Variants in IBTK observed in about 807,000 individuals in gnomAD.
The protein encoded by IBTK is BTK-binding protein.
IBTK carries 83 observed loss-of-function variants against 154.9 expected under a neutral mutation model. The ratio of observed to expected loss-of-function variants is 0.54; its 90% CI spans 0.45 to 0.64. IBTK has a LOEUF of 0.64. IBTK is among the 30% of genes least tolerant of loss of function. The pLI is 0.00. For synonymous variants in IBTK, 515 were observed against 536.1 expected (o/e 0.96, Z 0.54); for missense variants, 1,332 against 1,584.6 (o/e 0.84, Z 2.71).
At chr6:82,243,728 T>A (rs1771041597) in intron 1 of IBTK, among the ~76,000 whole-genome samples, 1 of 152,220 alleles carries the variant, frequency 6.6e-6, no homozygotes, top group Non-Finnish European at 1.5e-5. Flanking sequence ...CCAGTTAATT[T>A]CATTCTTTTA....
intron 21 of IBTK, 40 bp downstream of exon 21, chr6:82,200,101 G>A: frequency 8.1e-7 from 1 of 1,227,088 alleles, no homozygotes; most frequent in Non-Finnish European, 1.2e-6. Context: ...TAGAGACATA[G>A]AAGATTAGAA....
At chr6:82,205,824 C>T (rs796542568) in intron 16 of IBTK, 11 of 151,740 alleles carry the variant, frequency 7.2e-5, no homozygotes, top group African/African-American at 2.7e-4. Flanking sequence ...GGCTTTTTGC[C>T]CCTGAGCCAC....
Position 82,223,576 on chromosome 6 carries a change from G to A in IBTK, c.988C>T (p.Arg330Cys), listed in dbSNP as rs780841874. ...TTATGGTGAAGGGCAGAGACCTGAC[G>A]AGGAGCAGTTACACACTTTTCTCCA... ...PNGEKCVTAPRQVSALHHKDI... is the reference protein window; with the variant it reads ...PNGEKCVTAPCQVSALHHKDI... The change falls in exon 8 of 29, where the codon CGT becomes TGT. Residue 330 changes from arginine to cysteine, a missense_variant. This residue lies in a region of IBTK where 1,134 missense variants were observed against 1,274.7 expected (regional missense o/e 0.89). Transcript: ENST00000306270. 3.4e-5 allele frequency: 55 copies of A among 1,613,906 alleles called. No individual in the cohort carries two copies. The South Asian group carries it at 5.3e-4, about 15-fold the overall frequency.
intron 8 of IBTK, among the ~76,000 whole-genome samples, chr6:82,223,115 G>T (rs1038912497): frequency 1.3e-4 from 19 of 151,942 alleles, no homozygotes; most frequent in Middle Eastern, 3.2e-3. Flanking sequence ...AACCAATGAT[G>T]AGAGTGTCAC....
chr6:82,171,615 G>A, intron 28 of IBTK, 59 bp from the exon 29 acceptor site: 3 of 1,442,508 alleles, frequency 2.1e-6, no homozygotes, highest in Non-Finnish European at 2.8e-6. Context: ...TAAGCAGGAT[G>A]TATTTGCCTT....
At chr6:82,221,483 T>C (rs544546793) in intron 8 of IBTK, among the ~76,000 whole-genome samples, 2 of 152,262 alleles carry the variant, frequency 1.3e-5, no homozygotes, top group Admixed American at 1.3e-4. Context: ...ACCATGAAAA[T>C]CATCTGTACT....
intron 1 of IBTK, among the ~76,000 whole-genome samples, chr6:82,242,632 G>T (rs1313668046): frequency 6.6e-6 from 1 of 151,974 alleles, no homozygotes; most frequent in African/African-American, 2.4e-5. Context: ...GCAACAAAAA[G>T]AACAAGATAA....
Position 82,237,453 on chromosome 6 carries a change from A to G in IBTK, c.321+2713T>C, listed in dbSNP as rs188742691. On this transcript the variant is annotated intron_variant, in intron 2 of 28. Transcript: ENST00000306270. Reference sequence around the variant, plus strand: ...TTCATGGATAGTCCCTGGGGGGGAAAAAAAAAGGAAAGTGCTATTATTACT... The same window carrying G: ...TTCATGGATAGTCCCTGGGGGGGAAGAAAAAAGGAAAGTGCTATTATTACT... 2.6e-5 allele frequency among the ~76,000 whole-genome samples: 4 copies of G among 152,254 alleles called. No homozygotes were observed. The East Asian group carries it at 5.8e-4, about 22-fold the overall frequency.
chr6:82,223,720 A>C, intron 7 of IBTK, 100 bp from the exon 8 acceptor site: 2 of 998,136 alleles, frequency 2.0e-6, no homozygotes, highest in Non-Finnish European at 2.9e-6. Context: ...GCACTTGGGG[A>C]GGCCAAGGTG....
chr6:82,223,683 GCA>G (rs1245385649), intron 7 of IBTK, 63 bp from the exon 8 acceptor site: 11 of 1,391,984 alleles, frequency 7.9e-6, no homozygotes, highest in East Asian at 4.7e-5. Context: ...ATTTAGCCAA[GCA>G]CAGTGTCTCA....
chr6:82,229,352 G>A (rs1770416304), intron 4 of IBTK, among the ~76,000 whole-genome samples: 1 of 151,944 alleles, frequency 6.6e-6, no homozygotes, highest in Non-Finnish European at 1.5e-5. Flanking sequence ...ATATTTCTTT[G>A]GATCAGACAT....
intron 23 of IBTK, among the ~76,000 whole-genome samples, chr6:82,194,230 T>C (rs1022768081): frequency 1.3e-5 from 2 of 152,118 alleles, no homozygotes; most frequent in African/African-American, 2.4e-5. Flanking sequence ...TTTCTCTCTA[T>C]ATACGTAAAA....
At chr6:82,226,184 G>A (rs563928362) in intron 5 of IBTK, among the ~76,000 whole-genome samples, 1 of 152,172 alleles carries the variant, frequency 6.6e-6, no homozygotes, top group African/African-American at 2.4e-5. Flanking sequence ...TATTATTAGT[G>A]TCATCATCAT....
At position 82,170,110 on chromosome 6, in the gene IBTK, C is replaced by T. The variant is rs1198877544; in HGVS notation, c.*1315G>A. 3 of 152,108 alleles carry T rather than the reference C, an allele frequency of 2.0e-5. No homozygotes were observed. The highest frequency in any genetic ancestry group is 1.9e-4 in the East Asian group (1 of 5,202). 9.4% of individuals were successfully genotyped at this position (152,108 alleles called of 1,614,324 possible). ...ATTTAGAAAACTGCCTTTTTAAATC[C>T]GTCTTAGAATAAATACAGCATCAAC... On this transcript the variant is annotated 3_prime_UTR_variant, in exon 29 of 29. Transcript: ENST00000306270.
rs2127816495 is a variant in IBTK at position 82,216,247 on chromosome 6, ATC to A, written c.1428_1429del (p.Glu476AspfsTer17). On this transcript the variant is annotated frameshift_variant and splice_region_variant, in exon 11 of 29. Coordinates refer to ENST00000306270, the MANE Select transcript of IBTK (RefSeq NM_015525.4). LOFTEE classifies it high-confidence loss of function. Reference sequence around the variant, plus strand: ...TGAGGAATTGTGAAGGTTTGATAAAATCTCTGTTAAAAAAAAATAAACTACCA... The same window carrying A: ...TGAGGAATTGTGAAGGTTTGATAAAATCTGTTAAAAAAAAATAAACTACCA... 1.3e-6 allele frequency: 2 copies of A among 1,567,604 alleles called. No individual in the cohort carries two copies. Among genetic ancestry groups the A allele is most frequent in the African/African-American group, 1.4e-5 (1 of 72,506 alleles).
chr6:82,210,577 C>T, intron 16 of IBTK: 1 of 182,316 alleles, frequency 5.5e-6, no homozygotes, highest in East Asian at 1.4e-4. Flanking sequence ...ATAATCCTAG[C>T]ACTTTGGAAG....
Position 82,173,415 on chromosome 6 carries a change from CCTGG to C in IBTK, c.3745_3748del (p.Pro1249AspfsTer13). ...ATCTGAAATATGGTTGCCTTCTGGT[CCTGG>C]GGTACCATGGGTAGAGCATCTGCAA... On this transcript the variant is annotated frameshift_variant, in exon 27 of 29. Coordinates refer to ENST00000306270, the MANE Select transcript of IBTK (RefSeq NM_015525.4). LOFTEE classifies it high-confidence loss of function. 5 of 1,613,462 alleles carry C rather than the reference CCTGG, an allele frequency of 3.1e-6. No individual in the cohort carries two copies. The highest frequency in any genetic ancestry group is 4.2e-6 in the Non-Finnish European group (5 of 1,179,610).
At chr6:82,205,144 G>A in intron 16 of IBTK, 186 bp from the exon 17 acceptor site, 2 of 394,540 alleles carry the variant, frequency 5.1e-6, no homozygotes, top group Non-Finnish European at 9.0e-6. Context: ...ATAATAAAAA[G>A]TAAATACATC....
chr6:82,228,454 T>C (rs1349717896), intron 4 of IBTK, among the ~76,000 whole-genome samples: 1 of 152,228 alleles, frequency 6.6e-6, no homozygotes, highest in East Asian at 1.9e-4. Context: ...AATTTGTATT[T>C]TAAATTTACA....
Sources: allele counts gnomAD v4.1 joint callset (sites outside exome capture counted in the v4.1 genomes callset), GRCh38; gene constraint gnomAD v4.1.1; regional missense constraint gnomAD v4.1.1; transcripts MANE v1.5; gene names NCBI Gene and HGNC (gene_info 2026-07-23, HGNC 2026-07-21).